The following OR5H2 variants were observed in gnomAD, a reference collection of about 807,000 sequenced individuals.
The protein encoded by OR5H2 is olfactory receptor family 5 subfamily H member 2, also known as olfactory receptor 5H2.
For missense variants in OR5H2, 391 were observed against 364.4 expected, an observed-to-expected ratio of 1.07 and a Z score of -0.59; for synonymous variants, 132 against 126.8, an observed-to-expected ratio of 1.04 and a Z score of -0.27.
chr3:98,283,859 A>G lies in OR5H2; in HGVS notation c.*27A>G. ...TTTCATAGTGATATCTCTCATTTTC[A>G]GTAAAAAGAATTTTGCAGTTAGATA... On this transcript the variant is annotated 3_prime_UTR_variant, in exon 1 of 1. Transcript: ENST00000355273. The G allele has an allele frequency of 7.6e-7, 1 of 1,308,434 alleles. No homozygotes were observed. The highest frequency in any genetic ancestry group is 2.4e-5 in the East Asian group (1 of 41,850). The allele number at this position is 1,308,434 out of a possible 1,614,324, so 81.1% of individuals were successfully genotyped here. A position where few individuals can be genotyped will look rare whatever the true frequency, so the allele number is the denominator to read the frequency against.
Position 98,283,425 on chromosome 3 carries a change from C to T in OR5H2, c.523C>T (p.His175Tyr). Residue 175 changes from histidine to tyrosine, a missense_variant, in exon 1 of 1, where the codon CAT (histidine) becomes TAT (tyrosine). By Grantham distance (83) the His-to-Tyr change is moderately conservative. Coordinates refer to ENST00000355273, the MANE Select transcript of OR5H2 (RefSeq NM_001005482.2). ...AACCTTCTGCAATTCTAACATAATACATCATTTTTACTGTGATATTATACC... is the reference window on the plus strand; with the variant it reads ...AACCTTCTGCAATTCTAACATAATATATCATTTTTACTGTGATATTATACC... ...RLTFCNSNII[H>Y]HFYCDIIPLF... 6.2e-7 allele frequency: 1 copy of T among 1,609,044 alleles called. No homozygotes were observed. The highest frequency in any genetic ancestry group is 8.5e-7 in the Non-Finnish European group (1 of 1,178,888).
chr3:98,283,714 A>G lies in OR5H2; in HGVS notation c.812A>G (p.Asp271Gly). 6.2e-7 allele frequency: 1 copy of G among 1,612,014 alleles called. No individual in the cohort carries two copies. The highest frequency in any genetic ancestry group is 2.2e-5 in the East Asian group (1 of 44,834). The change falls in exon 1 of 1, where the codon GAT (aspartate) becomes GGT (glycine). Residue 271 changes from aspartate to glycine, a missense_variant. Physicochemically the swap from Asp to Gly is moderately conservative, Grantham distance 94. Transcript: ENST00000355273. Reference sequence around the variant, plus strand: ...GCATCTCCACAAGCAGATGACCAAGATATGATAGACTCTGTCTTTTATACA... The same window carrying G: ...GCATCTCCACAAGCAGATGACCAAGGTATGATAGACTCTGTCTTTTATACA... ...RPASPQADDQDMIDSVFYTII... is the reference protein window; with the variant it reads ...RPASPQADDQGMIDSVFYTII...
At position 98,283,347 on chromosome 3, in the gene OR5H2, T is replaced by G; in HGVS notation, c.445T>G (p.Phe149Val). The change falls in exon 1 of 1, where the codon TTT (phenylalanine) becomes GTT (valine). Residue 149 changes from phenylalanine (F) to valine (V), a missense_variant. By Grantham distance (50) the Phe-to-Val change is conservative (BLOSUM62 -1). Transcript: ENST00000355273. ...ATGCATACGGCTGTTAGCCTTCTCA[T>G]TTTTAGGTGGCTTCCTCCATGCCTT... Reference protein sequence around the residue: ...SLCIRLLAFSFLGGFLHALIH... With the variant: ...SLCIRLLAFSVLGGFLHALIH... 1 of 1,612,402 alleles carries G rather than the reference T, an allele frequency of 6.2e-7. No individual in the cohort carries two copies. Among genetic ancestry groups the G allele is most frequent in the Non-Finnish European group, 8.5e-7 (1 of 1,179,630 alleles).
Position 98,284,049 on chromosome 3 carries a change from C to A in OR5H2, c.*217C>A, listed in dbSNP as rs965484552. The stretch of plus-strand genomic sequence containing the variant: ...TTCATGTTATATTAGATAATTAAAG[C>A]AGAAAACAAATGAAAACATTTATAG... On this transcript the variant is annotated 3_prime_UTR_variant, in exon 1 of 1. Transcript: ENST00000355273. 2.6e-5 allele frequency among the ~76,000 whole-genome samples: 4 copies of A among 152,028 alleles called. No homozygotes were observed. The highest frequency in any genetic ancestry group is 9.7e-5 in the African/African-American group (4 of 41,392).
rs200543339 is a variant in OR5H2, at chr3:98,283,730, C to A, written c.828C>A (p.Val276=). 7 of 1,608,878 alleles carry A rather than the reference C, an allele frequency of 4.4e-6. No individual in the cohort carries two copies. The highest frequency in any genetic ancestry group is 5.9e-6 in the Non-Finnish European group (7 of 1,177,016). ...ATGACCAAGATATGATAGACTCTGT[C>A]TTTTATACAATCATAATTCCTTTGC... The part of the protein sequence containing the change: ...QADDQDMIDS[V]FYTIIIPLLN... Residue 276 remains valine, a synonymous_variant, in exon 1 of 1, where the codon GTC becomes GTA. Coordinates refer to ENST00000355273, the MANE Select transcript of OR5H2 (RefSeq NM_001005482.2).
chr3:98,282,912 G>A lies in OR5H2; in HGVS notation c.10G>A (p.Asp4Asn). The change falls in exon 1 of 1, where the codon GAT becomes AAT. Residue 4 changes from aspartate (D) to asparagine (N), a missense_variant. Coordinates refer to ENST00000355273, the MANE Select transcript of OR5H2 (RefSeq NM_001005482.2). Reference sequence around the variant, plus strand: ...GATGTCGAATGAGGACATGGAACAGGATAATACAACATTGCTGACAGAGTT... The same window carrying A: ...GATGTCGAATGAGGACATGGAACAGAATAATACAACATTGCTGACAGAGTT... MEQ[D>N]NTTLLTEFVL... The A allele has an allele frequency of 6.2e-7, 1 of 1,613,828 alleles. No individual in the cohort carries two copies. The highest frequency in any genetic ancestry group is 8.5e-7 in the Non-Finnish European group (1 of 1,179,818).
Position 98,283,724 on chromosome 3 carries a change from CTCTG to C in OR5H2, c.826_829del (p.Val276PhefsTer5), listed in dbSNP as rs775387118. 5 of 1,610,098 alleles carry C rather than the reference CTCTG, an allele frequency of 3.1e-6. No homozygotes were observed. Among genetic ancestry groups the C allele is most frequent in the Admixed American group, 1.7e-5 (1 of 59,508 alleles). On this transcript the variant is annotated frameshift_variant, in exon 1 of 1. Transcript: ENST00000355273. LOFTEE classifies it low-confidence loss of function (END_TRUNC). ...AAGCAGATGACCAAGATATGATAGACTCTGTCTTTTATACAATCATAATTCCTTT... is the reference window on the plus strand; with the variant it reads ...AAGCAGATGACCAAGATATGATAGACTCTTTTATACAATCATAATTCCTTT...
rs779908900 is a variant in OR5H2 at position 98,283,092 on chromosome 3, G to C, written c.190G>C (p.Gly64Arg). ...TCACATCCCCATGTACTTTTTTCTT[G>C]GGAGTTTAGCCTTTGTTGATGCTTG... ...QLHIPMYFFLGSLAFVDAWIS... is the reference protein window; with the variant it reads ...QLHIPMYFFLRSLAFVDAWIS... Residue 64 changes from glycine (G) to arginine (R), a missense_variant, in exon 1 of 1, where the codon GGG (glycine) becomes CGG (arginine). Transcript: ENST00000355273. 5.6e-6 allele frequency: 9 copies of C among 1,613,658 alleles called. No homozygotes were observed. The Admixed American group carries it at 1.5e-4, about 27-fold the overall frequency.
chr3:98,283,058 C>T lies in OR5H2; in HGVS notation c.156C>T (p.Asp52=), dbSNP rs777160794. 6.2e-7 allele frequency: 1 copy of T among 1,614,006 alleles called. No individual in the cohort carries two copies. Among genetic ancestry groups the T allele is most frequent in the South Asian group, 1.1e-5 (1 of 91,076 alleles). Residue 52 remains aspartate (D), a synonymous_variant, in exon 1 of 1, where the codon GAC becomes GAT. Transcript: ENST00000355273. ...GTCTGATTGCTCTTATCTGGAATGA[C>T]CCACAACTTCACATCCCCATGTACT... ...NLGLIALIWN[D]PQLHIPMYFF...
In OR5H2 at chr3:98,283,440, G is replaced by A; in HGVS notation, c.538G>A (p.Asp180Asn). 1 of 1,608,290 alleles carries A rather than the reference G, an allele frequency of 6.2e-7. No homozygotes were observed. Among genetic ancestry groups the A allele is most frequent in the Non-Finnish European group, 8.5e-7 (1 of 1,178,620 alleles). ...NSNIIHHFYC[D>N]IIPLFMISCT... is the part of the protein sequence containing the mutation. ...TAACATAATACATCATTTTTACTGT[G>A]ATATTATACCACTGTTTATGATTTC... Residue 180 changes from aspartate (D) to asparagine (N), a missense_variant, in exon 1 of 1, where the codon GAT becomes AAT. Physicochemically the swap from Asp to Asn is conservative, Grantham distance 23. Transcript: ENST00000355273.
Position 98,282,767 on chromosome 3 carries a change from G to T in OR5H2, c.-136G>T. On this transcript the variant is annotated 5_prime_UTR_variant, in exon 1 of 1. The change abolishes an upstream ATG in the 5' untranslated region. Transcript: ENST00000355273. ...CAGTTTCCATCTATTACAGGAATATGAAAGAAAATTAAAAGGGTATTGTAA... is the reference window on the plus strand; with the variant it reads ...CAGTTTCCATCTATTACAGGAATATTAAAGAAAATTAAAAGGGTATTGTAA... The T allele has an allele frequency of 1.4e-6, 1 of 706,570 alleles. No individual in the cohort carries two copies. The highest frequency in any genetic ancestry group is 2.4e-6 in the Non-Finnish European group (1 of 422,660). 43.8% of individuals were successfully genotyped at this position (706,570 alleles called of 1,614,324 possible). A position where few individuals can be genotyped will look rare whatever the true frequency, so the allele number is the denominator to read the frequency against.
At position 98,283,606 on chromosome 3, in the gene OR5H2, G is replaced by A. The variant is rs898480718; in HGVS notation, c.704G>A (p.Arg235Lys). Residue 235 changes from arginine (R) to lysine (K), a missense_variant, in exon 1 of 1, where the codon AGG (arginine) becomes AAG (lysine). By Grantham distance (26) the Arg-to-Lys change is conservative (BLOSUM62 2). Transcript: ENST00000355273. ...AAAAAGAAGTCTGTTAGAGGCGTAA[G>A]GAAAGCCTTTTCCACCTGTGGAGCC... Reference protein sequence around the residue: ...ILKKKSVRGVRKAFSTCGAHL... With the variant: ...ILKKKSVRGVKKAFSTCGAHL... 9 of 1,613,514 alleles carry A rather than the reference G, an allele frequency of 5.6e-6. No individual in the cohort carries two copies. The Admixed American group carries it at 8.4e-5, about 15-fold the overall frequency.
In OR5H2 at chr3:98,283,963, T is replaced by C; in HGVS notation, c.*131T>C. ...TAATGACTTAGGGTTTTATACCTAATAAACTCCTTAAAATATTTATATATG... is the reference window on the plus strand; with the variant it reads ...TAATGACTTAGGGTTTTATACCTAACAAACTCCTTAAAATATTTATATATG... On this transcript the variant is annotated 3_prime_UTR_variant, in exon 1 of 1. Coordinates refer to ENST00000355273, the MANE Select transcript of OR5H2 (RefSeq NM_001005482.2). 5.8e-6 allele frequency: 3 copies of C among 518,912 alleles called. No homozygotes were observed. The highest frequency in any genetic ancestry group is 9.9e-6 in the Non-Finnish European group (3 of 303,612). 32.1% of individuals were successfully genotyped at this position (518,912 alleles called of 1,614,324 possible). A position where few individuals can be genotyped will look rare whatever the true frequency, so the allele number is the denominator to read the frequency against.
chr3:98,283,482 A>C lies in OR5H2; in HGVS notation c.580A>C (p.Ile194Leu), dbSNP rs1193724073. The C allele has an allele frequency of 6.2e-7, 1 of 1,612,442 alleles. No homozygotes were observed. Among genetic ancestry groups the C allele is most frequent in the Admixed American group, 1.7e-5 (1 of 59,482 alleles). Residue 194 changes from isoleucine (I) to leucine (L), a missense_variant, in exon 1 of 1, where the codon ATT becomes CTT. Coordinates refer to ENST00000355273, the MANE Select transcript of OR5H2 (RefSeq NM_001005482.2). ...TATGATTTCCTGTACTGACCCTTCT[A>C]TTAATTTTCTAATGGTTTTTATTTT... is the stretch of plus-strand genomic sequence containing the variant. ...LFMISCTDPSINFLMVFILSG... is the reference protein window; with the variant it reads ...LFMISCTDPSLNFLMVFILSG...
Position 98,283,213 on chromosome 3 carries a change from T to C in OR5H2, c.311T>C (p.Phe104Ser). 1 of 1,614,034 alleles carries C rather than the reference T, an allele frequency of 6.2e-7. No homozygotes were observed. Among genetic ancestry groups the C allele is most frequent in the Non-Finnish European group, 8.5e-7 (1 of 1,179,946 alleles). The change falls in exon 1 of 1, where the codon TTT becomes TCT. Residue 104 changes from phenylalanine to serine, a missense_variant. Physicochemically the swap from Phe to Ser is radical, Grantham distance 155. Coordinates refer to ENST00000355273, the MANE Select transcript of OR5H2 (RefSeq NM_001005482.2). ...GAATGCATGATTCAATTTTTTTCCT[T>C]TGCATTTGGTGGAACTACAGAATGT... ...LSECMIQFFS[F>S]AFGGTTECFL... is the part of the protein sequence containing the mutation.
In OR5H2 at chr3:98,282,981, C is replaced by T. The variant is rs766400490; in HGVS notation, c.79C>T (p.Leu27=). ...LTYQPEWKMP[L]FLVFLVIYLI... ...ATATCAGCCAGAGTGGAAAATGCCC[C>T]TGTTCTTGGTGTTCTTGGTGATCTA... The change falls in exon 1 of 1, where the codon CTG becomes TTG. Residue 27 remains leucine (L), a synonymous_variant. Coordinates refer to ENST00000355273, the MANE Select transcript of OR5H2 (RefSeq NM_001005482.2). 5.0e-6 allele frequency: 8 copies of T among 1,613,886 alleles called. No individual in the cohort carries two copies. Among genetic ancestry groups the T allele is most frequent in the African/African-American group, 4.0e-5 (3 of 74,912 alleles).
rs200869095 is a variant in OR5H2, at chr3:98,283,466, C to G, written c.564C>G (p.Ser188=). The G allele has an allele frequency of 1.3e-5, 21 of 1,611,532 alleles. No homozygotes were observed. In the Admixed American group the frequency reaches 3.5e-4, roughly 27 times the overall value. The part of the protein sequence containing the change: ...YCDIIPLFMI[S]CTDPSINFLM... ...ATATTATACCACTGTTTATGATTTC[C>G]TGTACTGACCCTTCTATTAATTTTC... Residue 188 remains serine (S), a synonymous_variant, in exon 1 of 1, where the codon TCC becomes TCG. Transcript: ENST00000355273.
chr3:98,283,881 G>C lies in OR5H2; in HGVS notation c.*49G>C. On this transcript the variant is annotated 3_prime_UTR_variant, in exon 1 of 1. Coordinates refer to ENST00000355273, the MANE Select transcript of OR5H2 (RefSeq NM_001005482.2). The stretch of plus-strand genomic sequence containing the variant: ...TTCAGTAAAAAGAATTTTGCAGTTA[G>C]ATAAGGTGTTTTGCTAAGTGTTCAA... 1 of 1,078,634 alleles carries C rather than the reference G, an allele frequency of 9.3e-7. No individual in the cohort carries two copies. Among genetic ancestry groups the C allele is most frequent in the South Asian group, 1.6e-5 (1 of 63,720 alleles). 66.8% of individuals were successfully genotyped at this position (1,078,634 alleles called of 1,614,324 possible). A position where few individuals can be genotyped will look rare whatever the true frequency, so the allele number is the denominator to read the frequency against.
rs751107516 is a variant in OR5H2, at chr3:98,283,441, A to T, written c.539A>T (p.Asp180Val). 2 of 1,608,824 alleles carry T rather than the reference A, an allele frequency of 1.2e-6. No individual in the cohort carries two copies. Among genetic ancestry groups the T allele is most frequent in the Non-Finnish European group, 1.7e-6 (2 of 1,178,700 alleles). Residue 180 changes from aspartate to valine, a missense_variant, in exon 1 of 1, where the codon GAT (aspartate) becomes GTT (valine). Physicochemically the swap from Asp to Val is radical, Grantham distance 152. Coordinates refer to ENST00000355273, the MANE Select transcript of OR5H2 (RefSeq NM_001005482.2). The stretch of plus-strand genomic sequence containing the variant: ...AACATAATACATCATTTTTACTGTG[A>T]TATTATACCACTGTTTATGATTTCC... ...NSNIIHHFYC[D>V]IIPLFMISCT...
Sources: allele counts gnomAD v4.1 joint callset (sites outside exome capture counted in the v4.1 genomes callset), GRCh38; gene constraint gnomAD v4.1.1; transcripts MANE v1.5; gene names NCBI Gene and HGNC (gene_info 2026-07-23, HGNC 2026-07-21).